The following PPP2R2C variants were observed in gnomAD, a reference collection of about 807,000 sequenced individuals.
PPP2R2C encodes the protein protein phosphatase 2, regulatory subunit B, gamma.
PPP2R2C carries 10 observed loss-of-function variants against 45.3 expected under a neutral mutation model. That is an observed-to-expected ratio of 0.22 (90% CI 0.14 to 0.37). The LOEUF (loss-of-function observed/expected upper bound fraction) is 0.37. Among genes scored for constraint, PPP2R2C ranks in the 10% least tolerant of loss-of-function variants. The pLI, the probability that PPP2R2C is intolerant of heterozygous loss-of-function variation, is 1.00. For missense variants in PPP2R2C, 308 were observed against 619.7 expected (o/e 0.50, Z 5.34); for synonymous variants, 257 against 245.4 (o/e 1.05, Z -0.44).
intron 1 of PPP2R2C, chr4:6,555,414 G>C (rs1725363605): frequency 6.6e-6 from 1 of 152,268 alleles, no homozygotes. Context: ...GTGATTATAA[G>C]CCAGTGAAGG....
intron 1 of PPP2R2C, among the ~76,000 whole-genome samples, chr4:6,468,662 T>G (rs1306521607): frequency 6.6e-6 from 1 of 152,150 alleles, no homozygotes; most frequent in African/African-American, 2.4e-5. Flanking sequence ...TGAGCTCCTG[T>G]GTCTTGGTCA....
chr4:6,490,139 G>T (rs890908024), intron 2 of PPP2R2C, among the ~76,000 whole-genome samples: 6 of 152,142 alleles, frequency 3.9e-5, no homozygotes, highest in Non-Finnish European at 8.8e-5. Context: ...CTTTCAAGAG[G>T]TGCCCAAAGG....
In PPP2R2C at chr4:6,342,081, TACACACACACACACACAC is replaced by T. The variant is rs58305750; in HGVS notation, c.790+5747_790+5764del. Among the ~76,000 whole-genome samples, 330 of 139,716 alleles carry T rather than the reference TACACACACACACACACAC, an allele frequency of 2.4e-3. 3 individuals carry two copies. The highest frequency in any genetic ancestry group is 5.3e-3 in the African/African-American group (201 of 37,846). 91.7% of individuals were successfully genotyped at this position (139,716 alleles called of 152,430 possible). A position where few individuals can be genotyped will look rare whatever the true frequency, so the allele number is the denominator to read the frequency against. On this transcript the variant is annotated intron_variant, in intron 6 of 8. Coordinates refer to ENST00000382599, the MANE Select transcript of PPP2R2C (RefSeq NM_020416.4). ...AAAACATTTTGGAGATCTGCCACGA[TACACACACACACACACAC>T]ACACACACACACACACACACACACA...
At chr4:6,523,606 A>G (rs977203033) in intron 2 of PPP2R2C, 6 of 152,228 alleles carry the variant, frequency 3.9e-5, no homozygotes, top group African/African-American at 1.4e-4. Flanking sequence ...GGACCTGCAC[A>G]CACTGCTGGG....
chr4:6,492,833 C>T (rs1477821191), intron 2 of PPP2R2C, among the ~76,000 whole-genome samples: 1 of 152,150 alleles, frequency 6.6e-6, no homozygotes, highest in Non-Finnish European at 1.5e-5. Flanking sequence ...AGCAAGCCAG[C>T]CTTTGGCAGG....
chr4:6,542,164 G>A (rs546686532), intron 1 of PPP2R2C, among the ~76,000 whole-genome samples: 1 of 152,316 alleles, frequency 6.6e-6, no homozygotes, highest in Admixed American at 6.5e-5. Context: ...GAAGCCCAGA[G>A]AGGTGCTGTG....
intron 2 of PPP2R2C, among the ~76,000 whole-genome samples, chr4:6,479,863 C>T (rs1722290267): frequency 6.6e-6 from 1 of 151,792 alleles, no homozygotes; most frequent in Non-Finnish European, 1.5e-5. Context: ...TTCGCTTCAG[C>T]TTTCTTTTTT....
At chr4:6,531,522 G>A (rs80094665) in intron 2 of PPP2R2C, among the ~76,000 whole-genome samples, 1,681 of 151,962 alleles carry the variant, frequency 0.011, 29 homozygotes, top group African/African-American at 0.038. Context: ...AGCAAAGCGG[G>A]AATGAGCAGA....
chr4:6,519,172 T>TC (rs2108812258), intron 2 of PPP2R2C, among the ~76,000 whole-genome samples: 1 of 152,132 alleles, frequency 6.6e-6, no homozygotes, highest in African/African-American at 2.4e-5. Context: ...CCCTTCTGAC[T>TC]CCCCTAGAAT....
chr4:6,514,668 A>G (rs1223041178), intron 2 of PPP2R2C, among the ~76,000 whole-genome samples: 1 of 152,236 alleles, frequency 6.6e-6, no homozygotes, highest in Non-Finnish European at 1.5e-5. Flanking sequence ...CAGGACAAGC[A>G]CAGGTCAGCT....
At chr4:6,399,451 T>C (rs925525255) in intron 1 of PPP2R2C, among the ~76,000 whole-genome samples, 1 of 152,212 alleles carries the variant, frequency 6.6e-6, no homozygotes, top group Non-Finnish European at 1.5e-5. Flanking sequence ...ACTAAGATCA[T>C]TGATCAATCC....
At chr4:6,446,102 AGC>A (rs1209451357) in intron 1 of PPP2R2C, among the ~76,000 whole-genome samples, 3 of 152,052 alleles carry the variant, frequency 2.0e-5, no homozygotes, top group Non-Finnish European at 4.4e-5. Flanking sequence ...TCTGTGAAAA[AGC>A]CAGTAACAGT....
At chr4:6,334,241 T>C (rs11942129) in intron 6 of PPP2R2C, among the ~76,000 whole-genome samples, 70,964 of 152,064 alleles carry the variant, frequency 0.47, 18,382 homozygotes, top group African/African-American at 0.7. Context: ...GCCCTACTTA[T>C]AGGTGGGTTT....
chr4:6,563,014 T>TCAG lies in PPP2R2C; in HGVS notation c.-59+543_-59+545dup, dbSNP rs1244076450. 1.3e-5 allele frequency among the ~76,000 whole-genome samples: 2 copies of TCAG among 148,662 alleles called. No individual in the cohort carries two copies. The highest frequency in any genetic ancestry group is 5.0e-5 in the African/African-American group (2 of 39,960). On this transcript the variant is annotated intron_variant, in intron 1 of 9. Transcript: ENST00000506140. This position sits in a 1 kb window ranked among gnomAD's most constrained non-coding sequence, Gnocchi z 5.8. ...AACCAGAGCAGCAGCCGGGCCTGAC[T>TCAG]CAGCACCCACCGGCGCGGGCAGCGG...
chr4:6,436,105 C>A (rs1221819688), intron 1 of PPP2R2C, among the ~76,000 whole-genome samples: 1 of 152,218 alleles, frequency 6.6e-6, no homozygotes, highest in Non-Finnish European at 1.5e-5. Flanking sequence ...AAGGCACCAT[C>A]TATGAACAAG....
At chr4:6,462,997 G>T (rs1721407288) in intron 1 of PPP2R2C, among the ~76,000 whole-genome samples, 1 of 152,184 alleles carries the variant, frequency 6.6e-6, no homozygotes, top group African/African-American at 2.4e-5. Context: ...TCCCTTCTCT[G>T]GGACAGAGGG....
At chr4:6,443,480 A>C (rs1720259388) in intron 1 of PPP2R2C, among the ~76,000 whole-genome samples, 1 of 151,824 alleles carries the variant, frequency 6.6e-6, no homozygotes. Context: ...AAGCCAGACC[A>C]CCCCGGCGTG....
intron 1 of PPP2R2C, among the ~76,000 whole-genome samples, chr4:6,560,967 G>T (rs1166488038): frequency 6.6e-6 from 1 of 152,190 alleles, no homozygotes; most frequent in Non-Finnish European, 1.5e-5. Flanking sequence ...CAGTGTCACT[G>T]CTGCCCTCCT....
chr4:6,405,742 G>A (rs1717754514), intron 1 of PPP2R2C, among the ~76,000 whole-genome samples: 1 of 152,188 alleles, frequency 6.6e-6, no homozygotes, highest in Admixed American at 6.5e-5. Context: ...AACCTCATTT[G>A]CAAACCCAAA....
Sources: allele counts gnomAD v4.1 joint callset (sites outside exome capture counted in the v4.1 genomes callset), GRCh38; gene constraint gnomAD v4.1.1; non-coding constraint Gnocchi (gnomAD v3.1); transcripts MANE v1.5; gene names NCBI Gene and HGNC (gene_info 2026-07-23, HGNC 2026-07-21).